Variants in MZT1 observed in about 807,000 individuals in gnomAD.
MZT1 encodes mitotic spindle organizing protein 1.
In MZT1, 8 loss-of-function variants were observed where a neutral mutation model predicts 8.5. That is an observed-to-expected ratio of 0.94 (90% CI 0.55 to 1.70). The LOEUF (loss-of-function observed/expected upper bound fraction) is 1.70. Among genes scored for constraint, MZT1 ranks in the 40% most tolerant of loss-of-function variants. MZT1 has a pLI of 0.00. For missense variants in MZT1, 93 were observed against 108.6 expected (o/e 0.86, Z 0.64); for synonymous variants, 38 against 42.0 (o/e 0.90, Z 0.37).
chr13:72,713,264 A>C (rs1382210828), intron 2 of MZT1, among the ~76,000 whole-genome samples: 1 of 152,220 alleles, frequency 6.6e-6, no homozygotes, highest in Non-Finnish European at 1.5e-5. Flanking sequence ...TAGGATAAGT[A>C]TCCCTTGTCG....
chr13:72,723,759 G>A (rs1286773769), intron 1 of MZT1, among the ~76,000 whole-genome samples: 1 of 152,178 alleles, frequency 6.6e-6, no homozygotes, highest in Non-Finnish European at 1.5e-5. Context: ...ATACAGTTAT[G>A]AACAAGGTAT....
chr13:72,727,471 G>A, intron 1 of MZT1, 53 bp downstream of exon 1: 3 of 1,567,462 alleles, frequency 1.9e-6, no homozygotes, highest in Admixed American at 1.7e-5. Context: ...CCCGCCTGGG[G>A]GCCTTGGCTC....
At chr13:72,710,374 A>G (rs1323081583) in intron 2 of MZT1, 29 bp from the exon 3 acceptor site, 16 of 1,610,922 alleles carry the variant, frequency 9.9e-6, no homozygotes, top group Non-Finnish European at 1.4e-5. Flanking sequence ...ATTCATTACA[A>G]TAAAACCATG....
At chr13:72,717,393 G>A (rs2032546635) in intron 2 of MZT1, among the ~76,000 whole-genome samples, 2 of 149,048 alleles carry the variant, frequency 1.3e-5, no homozygotes, top group South Asian at 2.1e-4. Context: ...AGGCTGGAGT[G>A]CAATATCGCA....
chr13:72,712,321 A>G (rs935765010), intron 2 of MZT1, among the ~76,000 whole-genome samples: 4 of 152,170 alleles, frequency 2.6e-5, no homozygotes, highest in African/African-American at 9.7e-5. Flanking sequence ...CCAGCTAACT[A>G]AAATAAATAT....
rs1376439934 is a variant in MZT1 at position 72,709,170 on chromosome 13, T to C, written c.*1152A>G. 1.3e-5 allele frequency: 2 copies of C among 152,016 alleles called. No individual in the cohort carries two copies. Among genetic ancestry groups the C allele is most frequent in the Non-Finnish European group, 2.9e-5 (2 of 67,930 alleles). 9.4% of individuals were successfully genotyped at this position (152,016 alleles called of 1,614,324 possible). ...TTCTGAAAAGCCATACTTATAATCC[T>C]TGACATCAAGATGTTAAAAAGGTTT... On this transcript the variant is annotated 3_prime_UTR_variant, in exon 3 of 3. Coordinates refer to ENST00000377818, the MANE Select transcript of MZT1 (RefSeq NM_001071775.3).
intron 1 of MZT1, among the ~76,000 whole-genome samples, chr13:72,726,661 AT>A (rs1203346657): frequency 1.3e-5 from 2 of 151,864 alleles, no homozygotes; most frequent in Non-Finnish European, 2.9e-5. Flanking sequence ...TAATATAAAA[AT>A]AATTGATCAT....
chr13:72,709,131 G>A lies in MZT1; in HGVS notation c.*1191C>T, dbSNP rs2032462075. 6.6e-6 allele frequency: 1 copy of A among 151,774 alleles called. No individual in the cohort carries two copies. The highest frequency in any genetic ancestry group is 2.4e-5 in the African/African-American group (1 of 41,382). The allele number at this position is 151,774 out of a possible 1,614,324, so 9.4% of individuals were successfully genotyped here. ...TTAAAATTTTAAAGGCAAGAATAAT[G>A]ACAAACAAAACAATTCTGAAAAGCC... is the stretch of plus-strand genomic sequence containing the variant. On this transcript the variant is annotated 3_prime_UTR_variant, in exon 3 of 3. Transcript: ENST00000377818.
intron 1 of MZT1, among the ~76,000 whole-genome samples, chr13:72,720,812 C>T (rs1015415133): frequency 5.9e-5 from 9 of 152,152 alleles, no homozygotes; most frequent in East Asian, 3.9e-4. Flanking sequence ...CGCTTGAACC[C>T]GGGAAGTAAA....
At chr13:72,722,978 C>G (rs946110883) in intron 1 of MZT1, among the ~76,000 whole-genome samples, 1 of 152,156 alleles carries the variant, frequency 6.6e-6, no homozygotes, top group Non-Finnish European at 1.5e-5. Flanking sequence ...CTTGTACATT[C>G]TAAGTGGTTA....
At chr13:72,721,191 A>G (rs2032590308) in intron 1 of MZT1, among the ~76,000 whole-genome samples, 1 of 152,148 alleles carries the variant, frequency 6.6e-6, no homozygotes, top group Non-Finnish European at 1.5e-5. Context: ...ATAATGAGAT[A>G]CCGTTATCTG....
Position 72,724,746 on chromosome 13 carries a change from A to ATGTGTG in MZT1, c.79+2777_79+2778insCACACA, listed in dbSNP as rs1360013351. Among the ~76,000 whole-genome samples the ATGTGTG allele has an allele frequency of 2.6e-3, 96 of 37,236 alleles. 11 individuals are homozygous for ATGTGTG. The highest frequency in any genetic ancestry group is 6.0e-3 in the South Asian group (5 of 840). 24.4% of individuals were successfully genotyped at this position (37,236 alleles called of 152,430 possible). The stretch of plus-strand genomic sequence containing the variant: ...TATATATATATATATATATACACAT[A>ATGTGTG]TATATATGTAAAGTGGTGCTACAGG... On this transcript the variant is annotated intron_variant, in intron 1 of 2. Transcript: ENST00000377818.
Position 72,727,530 on chromosome 13 carries a change from T to C in MZT1, c.73A>G (p.Met25Val), listed in dbSNP as rs1294859907. 4 of 1,613,392 alleles carry C rather than the reference T, an allele frequency of 2.5e-6. No individual in the cohort carries two copies. The highest frequency in any genetic ancestry group is 2.5e-6 in the Non-Finnish European group (3 of 1,179,752). Reference protein sequence around the residue: ...AANLNAVRETMDVLLEISRIL... With the variant: ...AANLNAVRETVDVLLEISRIL... ...GAGCGCAACGGAAACTCACCGTCCATGGTCTCCCGCACCGCATTCAGATTC... is the reference window on the plus strand; with the variant it reads ...GAGCGCAACGGAAACTCACCGTCCACGGTCTCCCGCACCGCATTCAGATTC... The change falls in exon 1 of 3, where the codon ATG becomes GTG. Residue 25 changes from methionine to valine, a missense_variant. Met to Val is a conservative substitution (Grantham distance 21, BLOSUM62 1). Coordinates refer to ENST00000377818, the MANE Select transcript of MZT1 (RefSeq NM_001071775.3).
At chr13:72,711,741 C>T (rs2032490678) in intron 2 of MZT1, among the ~76,000 whole-genome samples, 1 of 150,938 alleles carries the variant, frequency 6.6e-6, no homozygotes, top group South Asian at 2.1e-4. Flanking sequence ...TGAGCAGCAA[C>T]CACACAAGGC....
chr13:72,724,390 G>A (rs1382505525), intron 1 of MZT1, among the ~76,000 whole-genome samples: 3 of 151,922 alleles, frequency 2.0e-5, no homozygotes, highest in African/African-American at 7.3e-5. Context: ...GAGGAGGTGA[G>A]AAAGCAAGAC....
intron 1 of MZT1, 145 bp from the exon 2 acceptor site, chr13:72,719,242 CT>C: frequency 1.8e-6 from 1 of 558,222 alleles, no homozygotes; most frequent in South Asian, 5.1e-5. Flanking sequence ...GCATGTAATA[CT>C]TTCTTGCCTT....
chr13:72,717,315 T>TTCAGCC (rs1277733187), intron 2 of MZT1, among the ~76,000 whole-genome samples: 1 of 151,672 alleles, frequency 6.6e-6, no homozygotes, highest in Non-Finnish European at 1.5e-5. Flanking sequence ...TAGAACACAA[T>TTCAGCC]TCAGCCACAA....
At position 72,726,054 on chromosome 13, in the gene MZT1, C is replaced by T. The variant is rs146357615; in HGVS notation, c.79+1470G>A. On this transcript the variant is annotated intron_variant, in intron 1 of 2. Coordinates refer to ENST00000377818, the MANE Select transcript of MZT1 (RefSeq NM_001071775.3). Reference sequence around the variant, plus strand: ...TACTGAACAAGTGAAAAATTAGATGCAAAGGCTCTAAAAGTGTAATTCTTT... The same window carrying T: ...TACTGAACAAGTGAAAAATTAGATGTAAAGGCTCTAAAAGTGTAATTCTTT... 1.1e-3 allele frequency among the ~76,000 whole-genome samples: 170 copies of T among 152,128 alleles called. 1 individual carries two copies. Among genetic ancestry groups the T allele is most frequent in the East Asian group, 2.8e-3 (14 of 5,084 alleles).
chr13:72,726,363 G>A lies in MZT1; in HGVS notation c.79+1161C>T, dbSNP rs546446866. 3.3e-5 allele frequency among the ~76,000 whole-genome samples: 5 copies of A among 152,244 alleles called. No individual in the cohort carries two copies. The East Asian group carries it at 9.7e-4, about 29-fold the overall frequency. On this transcript the variant is annotated intron_variant, in intron 1 of 2. Coordinates refer to ENST00000377818, the MANE Select transcript of MZT1 (RefSeq NM_001071775.3). ...GGAGAATCGCCTGAACCCGGGAGGC[G>A]GAGGTTGCAGTGAGCCGAGGTTGCG...
Sources: allele counts gnomAD v4.1 joint callset (sites outside exome capture counted in the v4.1 genomes callset), GRCh38; gene constraint gnomAD v4.1.1; transcripts MANE v1.5; gene names NCBI Gene and HGNC (gene_info 2026-07-23, HGNC 2026-07-21).